The following CNTN6 variants were observed in gnomAD, a reference collection of about 807,000 sequenced individuals.
CNTN6 encodes the protein contactin 6.
A neutral mutation model predicts 122.8 loss-of-function variants in CNTN6; 137 were observed. The ratio of observed to expected loss-of-function variants is 1.12; its 90% confidence interval spans 0.97 to 1.29. The LOEUF (loss-of-function observed/expected upper bound fraction) is 1.29, where lower values mean the gene tolerates loss of function less well. Among genes scored for constraint, CNTN6 ranks in the 50% most tolerant of loss-of-function variants. The probability of loss-of-function intolerance (pLI) is 0.00; values close to 1 mark genes in which losing one functional copy is unlikely to be tolerated. For missense variants in CNTN6, 1,634 were observed against 1,223.4 expected (o/e 1.34, Z -5.01); for synonymous variants, 570 against 426.0 (o/e 1.34, Z -4.16).
chr3:1,154,579 G>A (rs1286666822), intron 2 of CNTN6, among the ~76,000 whole-genome samples: 1 of 151,858 alleles, frequency 6.6e-6, no homozygotes, highest in Non-Finnish European at 1.5e-5. Flanking sequence ...AAGTAGCTGG[G>A]ATTACGGGCA....
intron 3 of CNTN6, among the ~76,000 whole-genome samples, chr3:1,227,487 G>A (rs923811610): frequency 6.6e-6 from 1 of 152,114 alleles, no homozygotes; most frequent in Non-Finnish European, 1.5e-5. Context: ...TAAGGTATAT[G>A]TTATTTGAAA....
At chr3:1,369,578 A>T (rs1474791048) in intron 12 of CNTN6, among the ~76,000 whole-genome samples, 1 of 152,194 alleles carries the variant, frequency 6.6e-6, no homozygotes, top group Non-Finnish European at 1.5e-5. Flanking sequence ...ACAATGAGCT[A>T]TGTAGATAGG....
intron 1 of CNTN6, among the ~76,000 whole-genome samples, chr3:1,115,038 G>A (rs981224398): frequency 1.3e-5 from 2 of 152,024 alleles, no homozygotes; most frequent in South Asian, 2.1e-4. Flanking sequence ...ATATTTGTAG[G>A]TAAATTGAGC....
intron 7 of CNTN6, among the ~76,000 whole-genome samples, chr3:1,307,816 A>T (rs1698599004): frequency 6.6e-6 from 1 of 152,140 alleles, no homozygotes; most frequent in Non-Finnish European, 1.5e-5. Context: ...CAAGTTTTGG[A>T]GAGGAAGAAC....
chr3:1,157,192 T>TTATTTATTTATTTA (rs1491571408), intron 2 of CNTN6, among the ~76,000 whole-genome samples: 16 of 146,966 alleles, frequency 1.1e-4, no homozygotes, highest in South Asian at 2.2e-4. Flanking sequence ...AATTATACTC[T>TTATTTATTTATTTA]TTTATTTATT....
intron 4 of CNTN6, among the ~76,000 whole-genome samples, chr3:1,258,394 G>T (rs2094793350): frequency 6.6e-6 from 1 of 152,052 alleles, no homozygotes; most frequent in Non-Finnish European, 1.5e-5. Context: ...AAGTGTCAAA[G>T]CTTAGCAATA....
intron 12 of CNTN6, among the ~76,000 whole-genome samples, chr3:1,361,079 A>G (rs1707391947): frequency 6.6e-6 from 1 of 152,078 alleles, no homozygotes; most frequent in Admixed American, 6.6e-5. Context: ...GAATGGCTCA[A>G]CCAGGATGAT....
At chr3:1,245,211 T>TAAC (rs1452667422) in intron 4 of CNTN6, among the ~76,000 whole-genome samples, 3 of 22,354 alleles carry the variant, frequency 1.3e-4, no homozygotes, top group Non-Finnish European at 2.1e-4. Flanking sequence ...TATATATATA[T>TAAC]ATATATATAT....
At chr3:1,215,307 T>G (rs953976057) in intron 2 of CNTN6, among the ~76,000 whole-genome samples, 7 of 152,376 alleles carry the variant, frequency 4.6e-5, no homozygotes, top group Admixed American at 2.0e-4. Context: ...TATCTATGTT[T>G]CTAATCCATT....
chr3:1,373,491 T>G, intron 14 of CNTN6, 113 bp from the exon 15 acceptor site: 1 of 942,068 alleles, frequency 1.1e-6, no homozygotes, highest in Non-Finnish European at 1.6e-6. Context: ...TATAAATACA[T>G]TATGGTCAAT....
intron 11 of CNTN6, among the ~76,000 whole-genome samples, chr3:1,340,354 A>G (rs1703707058): frequency 6.6e-6 from 1 of 152,182 alleles, no homozygotes; most frequent in Non-Finnish European, 1.5e-5. Context: ...ACTAAAAGGT[A>G]TAGAATAAGT....
intron 4 of CNTN6, among the ~76,000 whole-genome samples, chr3:1,276,134 G>T (rs375452728): frequency 6.6e-6 from 1 of 152,310 alleles, no homozygotes; most frequent in African/African-American, 2.4e-5. Flanking sequence ...TGTAAGTAAA[G>T]ATGGGTAATC....
intron 11 of CNTN6, among the ~76,000 whole-genome samples, chr3:1,350,622 C>A (rs80090963): frequency 0.037 from 5,635 of 151,726 alleles, 325 homozygotes; most frequent in African/African-American, 0.12. Flanking sequence ...CTCAGGGTAC[C>A]ACTGCACACT....
intron 12 of CNTN6, among the ~76,000 whole-genome samples, chr3:1,354,523 G>A (rs191144655): frequency 7.3e-5 from 11 of 151,236 alleles, no homozygotes; most frequent in Admixed American, 6.0e-4. Flanking sequence ...ATCTTCTTAC[G>A]AACTGTATAA....
At position 1,122,630 on chromosome 3, in the gene CNTN6, A is replaced by G. The variant is rs192882594; in HGVS notation, c.-82-25297A>G. On this transcript the variant is annotated intron_variant, in intron 1 of 22. Transcript: ENST00000446702. ...TCCCTTTCACTTTCCAGGCCGCAAC[A>G]ACTACCAATCTGTCCTCTGCCTATG... Among the ~76,000 whole-genome samples the G allele has an allele frequency of 4.0e-3, 612 of 151,898 alleles. 14 individuals carry two copies. Among genetic ancestry groups the G allele is most frequent in the Non-Finnish European group, 6.0e-3 (404 of 67,842 alleles).
intron 1 of CNTN6, among the ~76,000 whole-genome samples, chr3:1,108,304 G>A (rs575497696): frequency 1.3e-5 from 2 of 152,066 alleles, no homozygotes; most frequent in East Asian, 3.9e-4. Flanking sequence ...TATATAATGA[G>A]ATATCTTGGG....
chr3:1,106,521 T>TACACACACACACACACAC (rs57012485), intron 1 of CNTN6, among the ~76,000 whole-genome samples: 1 of 149,094 alleles, frequency 6.7e-6, no homozygotes, highest in Non-Finnish European at 1.5e-5. Flanking sequence ...CTGTCTGTAA[T>TACACACACACACACACAC]ACACACACAC....
At chr3:1,378,680 C>T (rs1240148999) in intron 17 of CNTN6, among the ~76,000 whole-genome samples, 3 of 152,056 alleles carry the variant, frequency 2.0e-5, no homozygotes, top group Non-Finnish European at 4.4e-5. Context: ...ATTCAGTCCC[C>T]ACAATAATGC....
chr3:1,222,782 G>A (rs1225793981), intron 3 of CNTN6, among the ~76,000 whole-genome samples: 1 of 151,764 alleles, frequency 6.6e-6, no homozygotes, highest in African/African-American at 2.4e-5. Flanking sequence ...GGGGTTTGTT[G>A]TACAAATTAT....
Sources: gnomAD v4.1 joint callset for allele counts (sites outside exome capture counted in the v4.1 genomes callset) on GRCh38, gnomAD v4.1.1 for gene constraint, MANE v1.5 for transcripts, NCBI Gene and HGNC (gene_info 2026-07-23, HGNC 2026-07-21) for gene names.